Variants in KLHL3 observed in about 807,000 individuals in gnomAD.
KLHL3 encodes the protein kelch-like protein 3.
Under a neutral mutation model 70.5 loss-of-function variants are expected in KLHL3, and 19 were observed. The observed-to-expected ratio is 0.27, with a 90% confidence interval of 0.19 to 0.40. The LOEUF is 0.40. Ranked by LOEUF, KLHL3 falls within the 10% of genes least tolerant of loss-of-function variation. The probability of loss-of-function intolerance (pLI) is 1.00; values close to 1 mark genes in which losing one functional copy is unlikely to be tolerated. For synonymous variants in KLHL3, 258 were observed against 290.3 expected (o/e 0.89, Z 1.13); for missense variants, 512 against 771.1 (o/e 0.66, Z 3.98).
chr5:137,702,703 A>T (rs1752595226), intron 3 of KLHL3, among the ~76,000 whole-genome samples: 1 of 152,236 alleles, frequency 6.6e-6, no homozygotes, highest in African/African-American at 2.4e-5. Flanking sequence ...CAGGTGGCAG[A>T]TTGACCAATG....
At chr5:137,726,599 A>G (rs1253216750) in intron 1 of KLHL3, among the ~76,000 whole-genome samples, 2 of 152,140 alleles carry the variant, frequency 1.3e-5, no homozygotes, top group Non-Finnish European at 2.9e-5. Context: ...GGCACATAGA[A>G]TTCTGCCTTG....
At chr5:137,658,044 G>T in intron 8 of KLHL3, 87 bp downstream of exon 8, 2 of 1,330,974 alleles carry the variant, frequency 1.5e-6, no homozygotes, top group South Asian at 2.8e-5. Flanking sequence ...GGCAGCCATG[G>T]GTGAGGAAAG....
rs140511549 is a variant in KLHL3, at chr5:137,627,886, T to C, written c.1591+411A>G. 8.6e-4 allele frequency among the ~76,000 whole-genome samples: 131 copies of C among 152,258 alleles called. 3 individuals carry two copies. Among genetic ancestry groups the C allele is most frequent in the Middle Eastern group, 6.8e-3 (2 of 294 alleles). On this transcript the variant is annotated intron_variant, in intron 13 of 14. Coordinates refer to ENST00000309755, the MANE Select transcript of KLHL3 (RefSeq NM_017415.3). ...CTGCTTTCAAGTAGGAAGTGAGAAG[T>C]TCTCCTAGCCAGGCACTGGCAAAGA...
chr5:137,686,336 C>A (rs1343458289), intron 5 of KLHL3, among the ~76,000 whole-genome samples: 1 of 152,208 alleles, frequency 6.6e-6, no homozygotes, highest in Non-Finnish European at 1.5e-5. Context: ...CACAGCACAG[C>A]GCCTGTGGTG....
Position 137,639,272 on chromosome 5 carries a change from T to A in KLHL3, c.1022-122A>T. On this transcript the variant is annotated intron_variant, in intron 9 of 14. Transcript: ENST00000309755. The surrounding 1 kb of genome is among the most constrained non-coding windows in gnomAD (Gnocchi z 5.0). ...GTCGCCACCGAAGATACTTTAGGTA[T>A]TTGGCAGTCATTATGGGATTCACTG... The A allele has an allele frequency of 1.2e-6, 1 of 856,412 alleles. No individual in the cohort carries two copies. The highest frequency in any genetic ancestry group is 1.8e-6 in the Non-Finnish European group (1 of 546,070). 53.1% of individuals were successfully genotyped at this position (856,412 alleles called of 1,614,324 possible).
intron 14 of KLHL3, among the ~76,000 whole-genome samples, chr5:137,623,915 A>G (rs1329250369): frequency 6.6e-6 from 1 of 152,232 alleles, no homozygotes; most frequent in Non-Finnish European, 1.5e-5. Flanking sequence ...ATCCATCTGT[A>G]GAAGAAGCAG....
At chr5:137,655,343 T>A (rs1381002808) in intron 8 of KLHL3, among the ~76,000 whole-genome samples, 1 of 152,198 alleles carries the variant, frequency 6.6e-6, no homozygotes, top group Non-Finnish European at 1.5e-5. Context: ...AATTGGCTCA[T>A]CATTTGCAAT....
chr5:137,676,531 C>A (rs550146000), intron 6 of KLHL3, among the ~76,000 whole-genome samples: 1 of 152,094 alleles, frequency 6.6e-6, no homozygotes, highest in Admixed American at 6.5e-5. Flanking sequence ...TGAGTGTTAT[C>A]CTGAAACACA....
chr5:137,648,549 G>A (rs1385311428), intron 8 of KLHL3, among the ~76,000 whole-genome samples: 1 of 152,208 alleles, frequency 6.6e-6, no homozygotes, highest in Non-Finnish European at 1.5e-5. Flanking sequence ...AGACAGCCTC[G>A]GGTTGTCCAT....
At chr5:137,683,980 T>C (rs1752100659) in intron 5 of KLHL3, among the ~76,000 whole-genome samples, 1 of 152,178 alleles carries the variant, frequency 6.6e-6, no homozygotes, top group Non-Finnish European at 1.5e-5. Context: ...CAACTTCAAA[T>C]TAGATGCAGA....
At chr5:137,667,907 T>C (rs889047848) in intron 6 of KLHL3, among the ~76,000 whole-genome samples, 2 of 152,218 alleles carry the variant, frequency 1.3e-5, no homozygotes, top group African/African-American at 2.4e-5. Flanking sequence ...TTTACACATA[T>C]GATCTCATTT....
intron 4 of KLHL3, among the ~76,000 whole-genome samples, chr5:137,694,335 T>C (rs1279031260): frequency 1.3e-5 from 2 of 152,182 alleles, no homozygotes; most frequent in Non-Finnish European, 2.9e-5. Context: ...TCTGAACCAC[T>C]AATACATTCC....
At chr5:137,669,349 T>C (rs1354686605) in intron 6 of KLHL3, among the ~76,000 whole-genome samples, 1 of 152,168 alleles carries the variant, frequency 6.6e-6, no homozygotes, top group Non-Finnish European at 1.5e-5. Context: ...CTGTGACTAA[T>C]ACGCTACCTG....
intron 12 of KLHL3, among the ~76,000 whole-genome samples, chr5:137,631,086 A>G (rs1561582613): frequency 2.0e-5 from 3 of 149,662 alleles, no homozygotes; most frequent in East Asian, 3.9e-4. Flanking sequence ...AAAAAAAAAA[A>G]AAAAGAGAGA....
At chr5:137,732,976 C>T (rs180864969) in intron 1 of KLHL3, among the ~76,000 whole-genome samples, 107 of 152,212 alleles carry the variant, frequency 7.0e-4, no homozygotes, top group Middle Eastern at 3.4e-3. Flanking sequence ...AATTAATAGC[C>T]TTTCAAGGTA....
intron 5 of KLHL3, 85 bp from the exon 6 acceptor site, chr5:137,677,739 G>T: frequency 1.2e-6 from 1 of 825,874 alleles, no homozygotes; most frequent in Non-Finnish European, 1.9e-6. Flanking sequence ...GGGATTCACA[G>T]TAGAGTCCTG....
chr5:137,630,591 G>C (rs1246760342), intron 12 of KLHL3, among the ~76,000 whole-genome samples: 15 of 152,218 alleles, frequency 9.9e-5, no homozygotes, highest in Admixed American at 9.8e-4. Flanking sequence ...GGAGTACGAA[G>C]ACTCTACCAA....
intron 8 of KLHL3, among the ~76,000 whole-genome samples, chr5:137,645,059 A>T (rs1301125223): frequency 6.6e-6 from 1 of 152,220 alleles, no homozygotes; most frequent in Admixed American, 6.5e-5. Context: ...TCAAAGACAA[A>T]AACCACATAA....
chr5:137,648,761 G>T (rs1345469115), intron 8 of KLHL3, among the ~76,000 whole-genome samples: 3 of 152,166 alleles, frequency 2.0e-5, no homozygotes, highest in Admixed American at 2.0e-4. Flanking sequence ...CAGAGTTACT[G>T]CTGAGAATTA....
Sources: gnomAD v4.1 joint callset for allele counts (sites outside exome capture counted in the v4.1 genomes callset) on GRCh38, gnomAD v4.1.1 for gene constraint, Gnocchi (gnomAD v3.1) non-coding constraint, MANE v1.5 for transcripts, NCBI Gene and HGNC (gene_info 2026-07-23, HGNC 2026-07-21) for gene names.